Variants in MMS19 observed in about 807,000 individuals in gnomAD.
MMS19 encodes MMS19 cytosolic iron-sulfur assembly component.
A neutral mutation model predicts 129.8 loss-of-function variants in MMS19; 77 were observed. The observed-to-expected ratio is 0.59, with a 90% CI of 0.49 to 0.72. The LOEUF (loss-of-function observed/expected upper bound fraction) is 0.72. Ranked by LOEUF, MMS19 falls within the 30% of genes least tolerant of loss-of-function variation. MMS19 has a pLI of 0.00. For missense variants in MMS19, 1,168 were observed against 1,266.3 expected (o/e 0.92, Z 1.18); for synonymous variants, 491 against 502.8 (o/e 0.98, Z 0.31).
chr10:97,478,172 G>A, intron 4 of MMS19, 132 bp downstream of exon 4: 1 of 735,448 alleles, frequency 1.4e-6, no homozygotes, highest in Non-Finnish European at 2.3e-6. Context: ...AGTAGAGCTG[G>A]TAACACTAAT....
chr10:97,464,074 T>C (rs1286019552), intron 18 of MMS19, 61 bp from the exon 19 acceptor site: 12 of 1,482,880 alleles, frequency 8.1e-6, no homozygotes, highest in African/African-American at 1.4e-5. Flanking sequence ...GTGTTTCCAA[T>C]TACACAGCAG....
intron 1 of MMS19, among the ~76,000 whole-genome samples, chr10:97,486,578 C>G (rs1020215466): frequency 6.6e-6 from 1 of 152,112 alleles, no homozygotes; most frequent in African/African-American, 2.4e-5. Context: ...ATCCTATGAT[C>G]TCACTTATAT....
intron 1 of MMS19, among the ~76,000 whole-genome samples, chr10:97,494,609 C>T (rs1420988593): frequency 6.6e-6 from 1 of 152,118 alleles, no homozygotes; most frequent in East Asian, 1.9e-4. Flanking sequence ...CATGGAAAAA[C>T]ACAATACAAT....
intron 1 of MMS19, among the ~76,000 whole-genome samples, chr10:97,489,315 T>C (rs942387984): frequency 6.6e-6 from 1 of 152,196 alleles, no homozygotes; most frequent in African/African-American, 2.4e-5. Context: ...CTCTGGAAGA[T>C]ATAAAAGGAA....
intron 3 of MMS19, chr10:97,480,462 G>C (rs1394845685): frequency 2.7e-6 from 1 of 375,796 alleles, no homozygotes; most frequent in African/African-American, 2.1e-5. Flanking sequence ...TCCCCCTCAG[G>C]ACCTCAAAGC....
At position 97,463,865 on chromosome 10, in the gene MMS19, A is replaced by C; in HGVS notation, c.1905T>G (p.Ser635=). ...GGAGAGGTGGAAAGTTACCTGGCAT[A>C]GAGGCCTGCACAGCCAAGGCAAGCA... The part of the protein sequence containing the change: ...PCLLALAVQA[S]MPEKEPSVLR... The change falls in exon 19 of 31, where the codon TCT becomes TCG. Residue 635 remains serine (S), a synonymous_variant. Transcript: ENST00000438925. 6.2e-7 allele frequency: 1 copy of C among 1,610,676 alleles called. No individual in the cohort carries two copies. The highest frequency in any genetic ancestry group is 8.5e-7 in the Non-Finnish European group (1 of 1,178,548).
intron 18 of MMS19, among the ~76,000 whole-genome samples, chr10:97,464,274 A>G (rs1266943316): frequency 6.6e-6 from 1 of 152,226 alleles, no homozygotes; most frequent in African/African-American, 2.4e-5. Flanking sequence ...CCTTAGAAGT[A>G]TCATTTCCCT....
intron 1 of MMS19, among the ~76,000 whole-genome samples, chr10:97,496,051 C>T (rs533072895): frequency 4.6e-5 from 7 of 152,294 alleles, no homozygotes; most frequent in African/African-American, 1.4e-4. Flanking sequence ...AAAGTGTTGG[C>T]ATTACAGGCG....
intron 1 of MMS19, among the ~76,000 whole-genome samples, chr10:97,488,013 C>G (rs138423515): frequency 6.6e-6 from 1 of 151,978 alleles, no homozygotes; most frequent in African/African-American, 2.4e-5. Context: ...CACTTGATTC[C>G]GGGAGGCAGA....
chr10:97,466,679 G>T, intron 15 of MMS19, 94 bp from the exon 16 acceptor site: 1 of 1,588,032 alleles, frequency 6.3e-7, no homozygotes, highest in Non-Finnish European at 8.6e-7. Flanking sequence ...ATCATCCAGA[G>T]TTGCAGTAAG....
intron 20 of MMS19, 116 bp from the exon 21 acceptor site, chr10:97,462,235 TG>T (rs2032184295): frequency 1.1e-5 from 8 of 705,828 alleles, no homozygotes; most frequent in Non-Finnish European, 2.0e-5. Flanking sequence ...CAATGGGACA[TG>T]CCCTGATCAT....
chr10:97,458,701 AG>A lies in MMS19; in HGVS notation c.3083del (p.Pro1028LeufsTer10). ...ARGEWFLLGS[P>X]GS ...GGCCAGGACTGAGGGCTCAGCTGCC[AG>A]GGCTCCCCAACAGAAACCTGTAGGC... On this transcript the variant is annotated frameshift_variant, in exon 31 of 31. Transcript: ENST00000438925. LOFTEE classifies it high-confidence loss of function. 1 of 1,609,306 alleles carries A rather than the reference AG, an allele frequency of 6.2e-7. No homozygotes were observed. Among genetic ancestry groups the A allele is most frequent in the Non-Finnish European group, 8.5e-7 (1 of 1,177,642 alleles).
chr10:97,460,959 G>C lies in MMS19; in HGVS notation c.2360C>G (p.Ala787Gly). 1.3e-6 allele frequency: 2 copies of C among 1,577,220 alleles called. No homozygotes were observed. Among genetic ancestry groups the C allele is most frequent in the Admixed American group, 1.8e-5 (1 of 54,322 alleles). Residue 787 changes from alanine to glycine, a missense_variant, in exon 24 of 31, where the codon GCT (alanine) becomes GGT (glycine). Transcript: ENST00000438925. ...ACGACAGGGCCCAGAGCCCAGGCCA[G>C]CCTCCACTTTGTCCACAGCTAGCTG... is the stretch of plus-strand genomic sequence containing the variant. ...FLQLAVDKVE[A>G]GLGSGPCRSQ...
At position 97,466,100 on chromosome 10, in the gene MMS19, C is replaced by T. The variant is rs1336415965; in HGVS notation, c.1565G>A (p.Ser522Asn). The T allele has an allele frequency of 1.2e-6, 2 of 1,606,786 alleles. No homozygotes were observed. Among genetic ancestry groups the T allele is most frequent in the Non-Finnish European group, 1.7e-6 (2 of 1,176,442 alleles). Reference protein sequence around the residue: ...TLAALYPVAFSSHLVPKLAEE... With the variant: ...TLAALYPVAFNSHLVPKLAEE... ...AGCGAGCTTGGGTACGAGGTGGCTG[C>T]TGAAGGCCACAGGGTAGAGAGCAGC... is the stretch of plus-strand genomic sequence containing the variant. Residue 522 changes from serine (S) to asparagine (N), a missense_variant, in exon 17 of 31, where the codon AGC (serine) becomes AAC (asparagine). Transcript: ENST00000438925.
rs200413351 is a variant in MMS19, at chr10:97,458,785, G to C, written c.3065+15C>G. 5.8e-4 allele frequency: 938 copies of C among 1,613,746 alleles called. 1 individual carries two copies. The highest frequency in any genetic ancestry group is 7.5e-4 in the Non-Finnish European group (882 of 1,179,736). On this transcript the variant is annotated intron_variant, in intron 30 of 30. Coordinates refer to ENST00000438925, the MANE Select transcript of MMS19 (RefSeq NM_022362.5). Reference sequence around the variant, plus strand: ...TCATCTTGGTCCCATCTCTCCCCACGACCTAGAAACTCACCACTCCCCTCT... The same window carrying C: ...TCATCTTGGTCCCATCTCTCCCCACCACCTAGAAACTCACCACTCCCCTCT...
chr10:97,494,959 G>A (rs1411200839), intron 1 of MMS19, among the ~76,000 whole-genome samples: 2 of 152,222 alleles, frequency 1.3e-5, no homozygotes, highest in African/African-American at 4.8e-5. Context: ...AGGATGTGGA[G>A]ATGTATACAG....
intron 23 of MMS19, 55 bp from the exon 24 acceptor site, chr10:97,461,062 A>G: frequency 7.2e-7 from 1 of 1,390,152 alleles, no homozygotes; most frequent in Non-Finnish European, 9.8e-7. Context: ...CCCTTTAGCA[A>G]TGAAATGCAA....
In MMS19 at chr10:97,460,047, T is replaced by G; in HGVS notation, c.2655A>C (p.Gln885His). Residue 885 changes from glutamine to histidine, a missense_variant and splice_region_variant, in exon 26 of 31, where the codon CAA (glutamine) becomes CAC (histidine). By Grantham distance (24) the Gln-to-His change is conservative (BLOSUM62 0). Transcript: ENST00000438925. Reference protein sequence around the residue: ...ALVQGFHAAPQDVKPNYLKGL... With the variant: ...ALVQGFHAAPHDVKPNYLKGL... ...GGGACCTTCTTTCAGACTCCTCACCTTGGGGAGCAGCATGGAAGCCCTGGA... is the reference window on the plus strand; with the variant it reads ...GGGACCTTCTTTCAGACTCCTCACCGTGGGGAGCAGCATGGAAGCCCTGGA... 6.2e-7 allele frequency: 1 copy of G among 1,613,208 alleles called. No homozygotes were observed. Among genetic ancestry groups the G allele is most frequent in the South Asian group, 1.1e-5 (1 of 91,044 alleles).
chr10:97,462,713 C>T lies in MMS19; in HGVS notation c.1913-31G>A, dbSNP rs192623377. ...AAACACACACACATGCACACAATCACAAGACCATGACGGGTTCAAGAAATG... is the reference window on the plus strand; with the variant it reads ...AAACACACACACATGCACACAATCATAAGACCATGACGGGTTCAAGAAATG... On this transcript the variant is annotated intron_variant, in intron 19 of 30. Coordinates refer to ENST00000438925, the MANE Select transcript of MMS19 (RefSeq NM_022362.5). 18 of 1,530,054 alleles carry T rather than the reference C, an allele frequency of 1.2e-5. No individual in the cohort carries two copies. In the Admixed American group the frequency reaches 2.2e-4, roughly 19 times the overall value. The allele number at this position is 1,530,054 out of a possible 1,614,324, so 94.8% of individuals were successfully genotyped here.
Sources: allele counts gnomAD v4.1 joint callset (sites outside exome capture counted in the v4.1 genomes callset), GRCh38; gene constraint gnomAD v4.1.1; transcripts MANE v1.5; gene names NCBI Gene and HGNC (gene_info 2026-07-23, HGNC 2026-07-21).